The following CYB5R4 variants were observed in gnomAD, a reference collection of about 807,000 sequenced individuals.
The protein encoded by CYB5R4 is cytochrome b5 reductase 4.
In CYB5R4, 55 loss-of-function variants were observed where a neutral mutation model predicts 70.2. The observed-to-expected ratio is 0.78, with a 90% CI of 0.63 to 0.98. CYB5R4 has a LOEUF of 0.98. Ranked by LOEUF, CYB5R4 falls within the 50% of genes least tolerant of loss-of-function variation. The pLI, the probability that CYB5R4 is intolerant of heterozygous loss-of-function variation, is 0.00. For missense variants in CYB5R4, 562 were observed against 612.6 expected, an observed-to-expected ratio of 0.92 and a Z score of 0.87; for synonymous variants, 197 against 199.5, an observed-to-expected ratio of 0.99 and a Z score of 0.11.
chr6:83,952,129 A>T (rs1384031760), intron 14 of CYB5R4, among the ~76,000 whole-genome samples: 1 of 152,174 alleles, frequency 6.6e-6, no homozygotes, highest in East Asian at 1.9e-4. Context: ...GAGGGGAAAT[A>T]AAGGGATTCT....
chr6:83,906,229 GC>G (rs1170811520), intron 3 of CYB5R4, among the ~76,000 whole-genome samples: 1 of 152,200 alleles, frequency 6.6e-6, no homozygotes, highest in Non-Finnish European at 1.5e-5. Flanking sequence ...CTGGTGACTT[GC>G]TCTTGCCTCA....
chr6:83,908,319 A>C (rs1433893312), intron 3 of CYB5R4, among the ~76,000 whole-genome samples: 4 of 151,968 alleles, frequency 2.6e-5, no homozygotes, highest in African/African-American at 9.7e-5. Context: ...TATGTGCAGG[A>C]TGTGCAGGTT....
intron 4 of CYB5R4, chr6:83,910,316 A>G (rs949501655): frequency 3.3e-5 from 20 of 602,062 alleles, no homozygotes; most frequent in Non-Finnish European, 4.9e-5. Context: ...GCACAAGCTC[A>G]GAGACTAACT....
At chr6:83,874,958 G>A (rs1321520271) in intron 2 of CYB5R4, among the ~76,000 whole-genome samples, 1 of 151,888 alleles carries the variant, frequency 6.6e-6, no homozygotes, top group African/African-American at 2.4e-5. Context: ...GAGTAGCTGG[G>A]ATAACAGGTG....
intron 2 of CYB5R4, among the ~76,000 whole-genome samples, chr6:83,883,097 A>G (rs1402221654): frequency 6.6e-6 from 1 of 152,224 alleles, no homozygotes; most frequent in Non-Finnish European, 1.5e-5. Context: ...AAATTTGTTG[A>G]ATGAGCTTAA....
chr6:83,957,199 C>T (rs981144988), intron 15 of CYB5R4, among the ~76,000 whole-genome samples: 3 of 151,950 alleles, frequency 2.0e-5, no homozygotes, highest in African/African-American at 7.2e-5. Context: ...ACAATGAAGA[C>T]TAACATAGTT....
At position 83,936,396 on chromosome 6, in the gene CYB5R4, T is replaced by C. The variant is rs777027069; in HGVS notation, c.1108+20T>C. On this transcript the variant is annotated intron_variant, in intron 12 of 15. Coordinates refer to ENST00000369681, the MANE Select transcript of CYB5R4 (RefSeq NM_016230.4). ...AGATTGGTTAGTATTTTTACATTTT[T>C]TAAACCTCATTTGTGCTCTAGATTG... 6 of 1,606,996 alleles carry C rather than the reference T, an allele frequency of 3.7e-6. No individual in the cohort carries two copies. The highest frequency in any genetic ancestry group is 3.4e-5 in the Admixed American group (2 of 59,250).
rs916305562 is a variant in CYB5R4 at position 83,960,420 on chromosome 6, C to A, written c.*542C>A. 7.9e-5 allele frequency: 12 copies of A among 152,486 alleles called. No individual in the cohort carries two copies. Among genetic ancestry groups the A allele is most frequent in the Admixed American group, 4.6e-4 (7 of 15,282 alleles). The allele number at this position is 152,486 out of a possible 1,614,324, so 9.4% of individuals were successfully genotyped here. On this transcript the variant is annotated 3_prime_UTR_variant, in exon 16 of 16. Coordinates refer to ENST00000369681, the MANE Select transcript of CYB5R4 (RefSeq NM_016230.4). ...AATAGAATAAAATTATACTTAAGTT[C>A]TTTTTAATCCTTGTGGTAGAAATGT...
chr6:83,875,311 A>G (rs2099458356), intron 2 of CYB5R4, among the ~76,000 whole-genome samples: 1 of 152,080 alleles, frequency 6.6e-6, no homozygotes, highest in Admixed American at 6.5e-5. Flanking sequence ...GAGTCTCACT[A>G]TGCTGCCTAG....
intron 3 of CYB5R4, among the ~76,000 whole-genome samples, chr6:83,905,547 C>T (rs1264237478): frequency 6.6e-6 from 1 of 152,124 alleles, no homozygotes; most frequent in Non-Finnish European, 1.5e-5. Flanking sequence ...TTGGTGGAGG[C>T]TGCGATGAAG....
At position 83,959,802 on chromosome 6, in the gene CYB5R4, GTGCTTTTTATT is replaced by G; in HGVS notation, c.1512-19_1512-9del. ...TTAAAGCATTTTCCCTAAGAAACATGTGCTTTTTATTTGTTTTTCAGGTTGCTGCATGATCT... is the reference window on the plus strand; with the variant it reads ...TTAAAGCATTTTCCCTAAGAAACATGTGTTTTTCAGGTTGCTGCATGATCT... On this transcript the variant is annotated splice_polypyrimidine_tract_variant and intron_variant, in intron 15 of 15. Transcript: ENST00000369681. 1 of 1,586,304 alleles carries G rather than the reference GTGCTTTTTATT, an allele frequency of 6.3e-7. No individual in the cohort carries two copies. Among genetic ancestry groups the G allele is most frequent in the Non-Finnish European group, 8.6e-7 (1 of 1,164,912 alleles).
intron 2 of CYB5R4, among the ~76,000 whole-genome samples, chr6:83,888,712 A>G (rs948443530): frequency 6.6e-6 from 1 of 152,174 alleles, no homozygotes; most frequent in Non-Finnish European, 1.5e-5. Flanking sequence ...GAGTGTTCCA[A>G]GTGAAGGAAA....
At chr6:83,913,262 T>C (rs938870201) in intron 4 of CYB5R4, among the ~76,000 whole-genome samples, 9 of 152,196 alleles carry the variant, frequency 5.9e-5, no homozygotes, top group Non-Finnish European at 1.0e-4. Context: ...TATGTGGCAG[T>C]TGATAAACAA....
At chr6:83,875,379 A>G (rs9449712) in intron 2 of CYB5R4, among the ~76,000 whole-genome samples, 27,667 of 152,110 alleles carry the variant, frequency 0.18, 5,323 homozygotes, top group African/African-American at 0.47. Flanking sequence ...CTGAGTAGCT[A>G]GGACTACAGG....
intron 2 of CYB5R4, among the ~76,000 whole-genome samples, chr6:83,875,789 A>T (rs932913177): frequency 5.3e-5 from 8 of 152,202 alleles, no homozygotes; most frequent in Non-Finnish European, 1.0e-4. Flanking sequence ...CAATATTATT[A>T]TCTTTGAAGA....
intron 3 of CYB5R4, among the ~76,000 whole-genome samples, chr6:83,896,394 A>G (rs1475027175): frequency 6.6e-6 from 1 of 152,220 alleles, no homozygotes; most frequent in Non-Finnish European, 1.5e-5. Flanking sequence ...AAAAGAATAT[A>G]TCAGGGTAAA....
chr6:83,930,564 C>A (rs1026931592), intron 10 of CYB5R4, among the ~76,000 whole-genome samples: 8 of 152,156 alleles, frequency 5.3e-5, no homozygotes, highest in Admixed American at 3.3e-4. Flanking sequence ...GGCTCCACTT[C>A]TAATTCTAGT....
intron 12 of CYB5R4, among the ~76,000 whole-genome samples, chr6:83,938,442 T>C (rs893642227): frequency 2.6e-5 from 4 of 152,200 alleles, no homozygotes; most frequent in Non-Finnish European, 5.9e-5. Flanking sequence ...AATGAACCCA[T>C]ACAATTATTC....
intron 3 of CYB5R4, among the ~76,000 whole-genome samples, chr6:83,904,171 A>G (rs950508567): frequency 2.0e-5 from 3 of 152,070 alleles, no homozygotes; most frequent in Non-Finnish European, 2.9e-5. Flanking sequence ...TGGAGTAGGC[A>G]TTTATTGCTA....
Sources: allele counts gnomAD v4.1 joint callset (sites outside exome capture counted in the v4.1 genomes callset), GRCh38; gene constraint gnomAD v4.1.1; transcripts MANE v1.5; gene names NCBI Gene and HGNC (gene_info 2026-07-23, HGNC 2026-07-21).